FSTL4: variants seen among roughly 807,000 people sequenced by gnomAD.
The protein encoded by FSTL4 is follistatin-related protein 4.
A neutral mutation model predicts 78.2 loss-of-function variants in FSTL4; 28 were observed. The observed-to-expected ratio is 0.36, with a 90% CI of 0.27 to 0.49. FSTL4 has a LOEUF of 0.49. Among genes scored for constraint, FSTL4 ranks in the 20% least tolerant of loss-of-function variants. The pLI is 0.98. For missense variants in FSTL4, 922 were observed against 1,084.9 expected, an observed-to-expected ratio of 0.85 and a Z score of 2.11; for synonymous variants, 422 against 440.5, an observed-to-expected ratio of 0.96 and a Z score of 0.53.
At chr5:133,399,506 G>T (rs544071493) in intron 4 of FSTL4, among the ~76,000 whole-genome samples, 1 of 152,344 alleles carries the variant, frequency 6.6e-6, no homozygotes, top group East Asian at 1.9e-4. Context: ...TTAGGTGGGT[G>T]CAGGTGACAC....
At chr5:133,531,939 G>C (rs1222045457) in intron 3 of FSTL4, among the ~76,000 whole-genome samples, 1 of 152,182 alleles carries the variant, frequency 6.6e-6, no homozygotes, top group Non-Finnish European at 1.5e-5. Context: ...ACAATAGATG[G>C]AATAACGGCC....
At chr5:133,559,098 T>G (rs1759860540) in intron 3 of FSTL4, among the ~76,000 whole-genome samples, 1 of 152,188 alleles carries the variant, frequency 6.6e-6, no homozygotes, top group Non-Finnish European at 1.5e-5. Context: ...AAGAATAGAA[T>G]TAGAACATAA....
chr5:133,333,064 ACT>A (rs1291738589), intron 4 of FSTL4, among the ~76,000 whole-genome samples: 6 of 151,662 alleles, frequency 4.0e-5, no homozygotes, highest in African/African-American at 1.2e-4. Context: ...ACTCACTCAC[ACT>A]CTCACACACA....
chr5:133,404,937 G>A (rs1278860635), intron 3 of FSTL4, among the ~76,000 whole-genome samples: 1 of 152,134 alleles, frequency 6.6e-6, no homozygotes, highest in African/African-American at 2.4e-5. Flanking sequence ...CCCTTCTCAG[G>A]GACAGTGCCC....
At chr5:133,616,283 T>C (rs756897562), upstream of FSTL4, among the ~76,000 whole-genome samples, 6 of 151,676 alleles carry the variant, frequency 4.0e-5, no homozygotes, top group South Asian at 2.1e-4. Context: ...CTCACCAGTA[T>C]AGAATCATAA....
intron 7 of FSTL4, among the ~76,000 whole-genome samples, chr5:133,235,685 G>A (rs1296385801): frequency 2.6e-5 from 4 of 151,966 alleles, no homozygotes; most frequent in African/African-American, 9.7e-5. Context: ...GTTGCAGAGG[G>A]CTGCGGAAAC....
intron 6 of FSTL4, among the ~76,000 whole-genome samples, chr5:133,265,060 AG>A (rs1287737928): frequency 6.6e-6 from 1 of 152,160 alleles, no homozygotes; most frequent in African/African-American, 2.4e-5. Context: ...TGCTGCTTCC[AG>A]TAGGGACTGC....
chr5:133,261,969 G>C (rs1270489987), intron 6 of FSTL4, among the ~76,000 whole-genome samples: 1 of 150,950 alleles, frequency 6.6e-6, no homozygotes, highest in Non-Finnish European at 1.5e-5. Context: ...TCCAACCTGG[G>C]CAACAGCAGA....
At chr5:133,447,421 G>C (rs1164027379) in intron 3 of FSTL4, among the ~76,000 whole-genome samples, 1 of 152,214 alleles carries the variant, frequency 6.6e-6, no homozygotes, top group Admixed American at 6.5e-5. Context: ...CACCTGGCTG[G>C]CAGATCAGAA....
the FSTL4 span, among the ~76,000 whole-genome samples, chr5:133,693,588 G>A: frequency 7.9e-5 from 12 of 152,286 alleles, no homozygotes; most frequent in Admixed American, 2.0e-4. Flanking sequence ...CAAGGGCTCC[G>A]ACTGCCACCT....
At chr5:133,375,462 A>C (rs1755413647) in intron 4 of FSTL4, among the ~76,000 whole-genome samples, 1 of 151,938 alleles carries the variant, frequency 6.6e-6, no homozygotes, top group South Asian at 2.1e-4. Flanking sequence ...CAACAATAAA[A>C]GGAAAGCAAC....
the FSTL4 span, among the ~76,000 whole-genome samples, chr5:133,649,272 C>T: frequency 1.3e-5 from 2 of 152,198 alleles, 1 homozygote; most frequent in South Asian, 4.1e-4. Flanking sequence ...TACTGAAGGA[C>T]ATCTTGGTTG....
intron 6 of FSTL4, among the ~76,000 whole-genome samples, chr5:133,277,888 T>G (rs1361946622): frequency 1.3e-5 from 2 of 152,078 alleles, no homozygotes; most frequent in Admixed American, 6.5e-5. Flanking sequence ...CCGGAGTAGG[T>G]GGGGGCCTCA....
chr5:133,509,670 T>G (rs1758684607), intron 3 of FSTL4, among the ~76,000 whole-genome samples: 2 of 152,268 alleles, frequency 1.3e-5, no homozygotes, highest in Non-Finnish European at 2.9e-5. Context: ...AACAGAGTCC[T>G]TCAGCGAAGG....
At chr5:133,792,547 T>A in the FSTL4 span, among the ~76,000 whole-genome samples, 2 of 152,170 alleles carry the variant, frequency 1.3e-5, no homozygotes, top group South Asian at 4.1e-4. Flanking sequence ...CATGTAGAAA[T>A]TAACATAAAA....
chr5:133,626,980 G>T, the FSTL4 span, among the ~76,000 whole-genome samples: 1 of 151,976 alleles, frequency 6.6e-6, no homozygotes, highest in East Asian at 1.9e-4. Context: ...TGAGAGAGCA[G>T]GTATTGAAGT....
intron 3 of FSTL4, among the ~76,000 whole-genome samples, chr5:133,454,014 C>T (rs575037006): frequency 4.7e-4 from 71 of 152,252 alleles, no homozygotes; most frequent in Admixed American, 1.0e-3. Context: ...CCTCAATCAG[C>T]GAGTTTTAAT....
chr5:133,681,617 A>G, the FSTL4 span, among the ~76,000 whole-genome samples: 1 of 152,216 alleles, frequency 6.6e-6, no homozygotes, highest in Non-Finnish European at 1.5e-5. Context: ...GATGTACTTG[A>G]CTTGCATGTT....
At chr5:133,639,285 G>T in the FSTL4 span, among the ~76,000 whole-genome samples, 1 of 152,066 alleles carries the variant, frequency 6.6e-6, no homozygotes. Context: ...TTATCTATTG[G>T]GTTCATTACT....
Sources: gnomAD v4.1 joint callset for allele counts (sites outside exome capture counted in the v4.1 genomes callset) on GRCh38, gnomAD v4.1.1 for gene constraint, MANE v1.5 for transcripts, NCBI Gene and HGNC (gene_info 2026-07-23, HGNC 2026-07-21) for gene names.